The following PPP2R2B variants were observed in gnomAD, a reference collection of about 807,000 sequenced individuals.
PPP2R2B encodes the protein protein phosphatase 2 regulatory subunit Bbeta, also known as serine/threonine-protein phosphatase 2A 55 kDa regulatory subunit B beta isoform.
PPP2R2B carries 5 observed loss-of-function variants against 46.0 expected under a neutral mutation model. The ratio of observed to expected loss-of-function variants is 0.11; its 90% confidence interval spans 0.06 to 0.23. PPP2R2B has a LOEUF of 0.23. Ranked by LOEUF, PPP2R2B falls within the 10% of genes least tolerant of loss-of-function variation. The pLI is 1.00. For synonymous variants in PPP2R2B, 215 were observed against 206.7 expected (o/e 1.04, Z -0.34); for missense variants, 367 against 575.0 (o/e 0.64, Z 3.70).
At chr5:146,676,772 A>G (rs1460747522) in intron 5 of PPP2R2B, among the ~76,000 whole-genome samples, 1 of 152,176 alleles carries the variant, frequency 6.6e-6, no homozygotes, top group Non-Finnish European at 1.5e-5. Flanking sequence ...CTCCAGGACT[A>G]ATCATAGTAC....
intron 1 of PPP2R2B, among the ~76,000 whole-genome samples, chr5:146,946,382 T>C (rs1051774121): frequency 1.3e-5 from 2 of 152,152 alleles, no homozygotes; most frequent in Non-Finnish European, 2.9e-5. Context: ...GAATTCATGG[T>C]AATTGCTCCT....
At chr5:146,795,203 G>A (rs1756449823) in intron 2 of PPP2R2B, among the ~76,000 whole-genome samples, 2 of 151,830 alleles carry the variant, frequency 1.3e-5, no homozygotes, top group South Asian at 2.1e-4. Flanking sequence ...ATATCCAAAG[G>A]AAATAAAATC....
chr5:146,812,103 C>T (rs181278693), intron 2 of PPP2R2B, among the ~76,000 whole-genome samples: 48 of 151,986 alleles, frequency 3.2e-4, no homozygotes, highest in Non-Finnish European at 6.8e-4. Context: ...GGACTTTTGT[C>T]ACTAACTAGT....
Position 146,584,960 on chromosome 5 carries a change from T to A in PPP2R2B, c.*4987A>T, listed in dbSNP as rs1026720512. On this transcript the variant is annotated 3_prime_UTR_variant, in exon 10 of 10. Transcript: ENST00000394411. ...GTTAAAATTCTGCTTAGATGACACATTCTGAGAACCTTTTCTTATCACTCA... is the reference window on the plus strand; with the variant it reads ...GTTAAAATTCTGCTTAGATGACACAATCTGAGAACCTTTTCTTATCACTCA... 2 of 152,188 alleles carry A rather than the reference T, an allele frequency of 1.3e-5. No homozygotes were observed. Among genetic ancestry groups the A allele is most frequent in the African/African-American group, 4.8e-5 (2 of 41,456 alleles). 9.4% of individuals were successfully genotyped at this position (152,188 alleles called of 1,614,324 possible). A position where few individuals can be genotyped will look rare whatever the true frequency, so the allele number is the denominator to read the frequency against.
intron 5 of PPP2R2B, among the ~76,000 whole-genome samples, chr5:146,680,010 A>G (rs1778034566): frequency 6.8e-6 from 1 of 146,890 alleles, no homozygotes; most frequent in Non-Finnish European, 1.5e-5. Context: ...ATCTAGAACT[A>G]GAAATCCCAT....
intron 2 of PPP2R2B, among the ~76,000 whole-genome samples, chr5:147,069,318 A>C (rs1757505553): frequency 6.6e-6 from 1 of 152,236 alleles, no homozygotes; most frequent in Admixed American, 6.5e-5. Context: ...TAATTTTCAC[A>C]ATACAAGTAT....
chr5:146,734,613 C>T (rs1752429401), intron 2 of PPP2R2B, among the ~76,000 whole-genome samples: 1 of 152,068 alleles, frequency 6.6e-6, no homozygotes, highest in African/African-American at 2.4e-5. Flanking sequence ...TGGCCATATT[C>T]CAGACACCCC....
upstream of PPP2R2B, among the ~76,000 whole-genome samples, chr5:146,882,627 T>C (rs970370584): frequency 6.6e-6 from 1 of 152,226 alleles, no homozygotes; most frequent in Non-Finnish European, 1.5e-5. Context: ...GAGTATTTAC[T>C]TTCGTCATCA....
intron 2 of PPP2R2B, among the ~76,000 whole-genome samples, chr5:147,073,175 G>A (rs1269286383): frequency 2.0e-5 from 3 of 152,200 alleles, no homozygotes; most frequent in Non-Finnish European, 4.4e-5. Context: ...AAAGTGATTG[G>A]CATTAGGGAA....
At chr5:146,780,488 G>A (rs1327045321) in intron 2 of PPP2R2B, among the ~76,000 whole-genome samples, 3 of 152,104 alleles carry the variant, frequency 2.0e-5, no homozygotes, top group African/African-American at 4.8e-5. Context: ...CTGACTGTCC[G>A]ATAGCAAAAA....
At chr5:146,695,495 A>G (rs1779126925) in intron 4 of PPP2R2B, among the ~76,000 whole-genome samples, 1 of 152,224 alleles carries the variant, frequency 6.6e-6, no homozygotes, top group African/African-American at 2.4e-5. Flanking sequence ...ATATTCTAGC[A>G]GAAAGTAAAA....
chr5:146,908,200 C>T (rs1763063760), intron 1 of PPP2R2B, among the ~76,000 whole-genome samples: 2 of 152,154 alleles, frequency 1.3e-5, no homozygotes, highest in South Asian at 4.1e-4. Context: ...TTCTGTGATA[C>T]ACCATGCAAA....
intron 1 of PPP2R2B, among the ~76,000 whole-genome samples, chr5:147,030,938 T>G (rs1344201210): frequency 1.3e-5 from 2 of 152,138 alleles, no homozygotes; most frequent in African/African-American, 2.4e-5. Context: ...ATTTTACTCG[T>G]TTAAAAACAT....
At chr5:146,669,231 G>T (rs768167036) in intron 5 of PPP2R2B, among the ~76,000 whole-genome samples, 64 of 152,156 alleles carry the variant, frequency 4.2e-4, no homozygotes, top group Admixed American at 1.6e-3. Context: ...TTTAATATGT[G>T]AATTCAACTA....
chr5:146,748,728 G>A (rs1468240364), intron 2 of PPP2R2B, among the ~76,000 whole-genome samples: 1 of 152,098 alleles, frequency 6.6e-6, no homozygotes, highest in Non-Finnish European at 1.5e-5. Flanking sequence ...TTTAATTGCT[G>A]AATAGTATTC....
intron 5 of PPP2R2B, among the ~76,000 whole-genome samples, chr5:146,689,356 A>G (rs1778694316): frequency 6.6e-6 from 1 of 152,244 alleles, no homozygotes; most frequent in African/African-American, 2.4e-5. Context: ...CACTGGTTCC[A>G]TAAGATTATA....
chr5:147,069,789 T>TTTTTG (rs1757526155), intron 2 of PPP2R2B, among the ~76,000 whole-genome samples: 1 of 114,664 alleles, frequency 8.7e-6, no homozygotes, highest in South Asian at 3.2e-4. Context: ...TATACTGTTT[T>TTTTTG]TTTTTTTTTT....
At chr5:146,824,891 G>C (rs140536860) in intron 2 of PPP2R2B, among the ~76,000 whole-genome samples, 1 of 151,840 alleles carries the variant, frequency 6.6e-6, no homozygotes, top group South Asian at 2.1e-4. Flanking sequence ...CTAATTTTTT[G>C]TGTGTGTTTT....
At chr5:146,681,748 C>T (rs969849438) in intron 5 of PPP2R2B, among the ~76,000 whole-genome samples, 1 of 152,106 alleles carries the variant, frequency 6.6e-6, no homozygotes, top group African/African-American at 2.4e-5. Context: ...CTAAAAAGGC[C>T]AGAACTCTGC....
Sources: allele counts gnomAD v4.1 joint callset (sites outside exome capture counted in the v4.1 genomes callset), GRCh38; gene constraint gnomAD v4.1.1; transcripts MANE v1.5; gene names NCBI Gene and HGNC (gene_info 2026-07-23, HGNC 2026-07-21).